ANXA4: variants seen among roughly 807,000 people sequenced by gnomAD.
ANXA4 encodes the protein annexin A4, also known as 35-beta calcimedin.
ANXA4 carries 39 observed loss-of-function variants against 49.8 expected under a neutral mutation model. The ratio of observed to expected loss-of-function variants is 0.78; its 90% CI spans 0.61 to 1.02. The LOEUF (loss-of-function observed/expected upper bound fraction) is 1.02. Ranked by LOEUF, ANXA4 falls within the 50% of genes least tolerant of loss-of-function variation. The pLI, the probability that ANXA4 is intolerant of heterozygous loss-of-function variation, is 0.00. For synonymous variants in ANXA4, 134 were observed against 152.5 expected, an observed-to-expected ratio of 0.88 and a Z score of 0.89; for missense variants, 360 against 410.1, an observed-to-expected ratio of 0.88 and a Z score of 1.05.
chr2:69,746,338 A>T (rs2105479412), intron 1 of ANXA4, among the ~76,000 whole-genome samples: 1 of 152,222 alleles, frequency 6.6e-6, no homozygotes, highest in Non-Finnish European at 1.5e-5. Flanking sequence ...TACCAATCAC[A>T]TCTCCCTTGT....
chr2:69,646,171 T>C (rs1464047621), intron 1 of ANXA4, among the ~76,000 whole-genome samples: 2 of 152,198 alleles, frequency 1.3e-5, no homozygotes, highest in African/African-American at 4.8e-5. Context: ...TTATCTCAGC[T>C]ATAAAACCAG....
chr2:69,788,061 A>G lies in ANXA4; in HGVS notation c.17A>G (p.Lys6Arg). 6.2e-7 allele frequency: 1 copy of G among 1,613,810 alleles called. No individual in the cohort carries two copies. The highest frequency in any genetic ancestry group is 8.5e-7 in the Non-Finnish European group (1 of 1,179,774). Reference protein sequence around the residue: MAMATKGGTVKAASGF... With the variant: MAMATRGGTVKAASGF... ...ACTCTCTTGTGTGCTCAGGCAACCA[A>G]AGGAGGTACTGTCAAAGCTGCTTCA... The change falls in exon 3 of 13, where the codon AAA becomes AGA. Residue 6 changes from lysine (K) to arginine (R), a missense_variant. Lys to Arg is a conservative substitution (Grantham distance 26, BLOSUM62 2). Transcript: ENST00000394295.
chr2:69,776,818 G>A (rs1203872920), intron 1 of ANXA4, among the ~76,000 whole-genome samples: 1 of 152,144 alleles, frequency 6.6e-6, no homozygotes, highest in Non-Finnish European at 1.5e-5. Flanking sequence ...ATTCAAAGCT[G>A]TCCTGGGCCA....
rs1209931460 is a variant in ANXA4 at position 69,810,649 on chromosome 2, G to A, written c.453G>A (p.Gln151=). The change falls in exon 7 of 13, where the codon CAG becomes CAA. Residue 151 remains glutamine, a synonymous_variant. Transcript: ENST00000394295. ...GCTCTGACACATCGTTCATGTTCCA[G>A]CGAGTGCTGGTGTCTCTGTCAGCTG... ...DIRSDTSFMF[Q]RVLVSLSAGG... 11 of 1,614,132 alleles carry A rather than the reference G, an allele frequency of 6.8e-6. No homozygotes were observed. Among genetic ancestry groups the A allele is most frequent in the Non-Finnish European group, 9.3e-6 (11 of 1,180,004 alleles).
upstream of ANXA4, among the ~76,000 whole-genome samples, chr2:69,740,139 G>A (rs571941309): frequency 2.6e-5 from 4 of 152,274 alleles, no homozygotes; most frequent in South Asian, 4.1e-4. Context: ...GGTTATTTAC[G>A]CGGGGTGCCA....
intron 1 of ANXA4, among the ~76,000 whole-genome samples, chr2:69,774,159 C>T (rs2105570455): frequency 6.6e-6 from 1 of 152,150 alleles, no homozygotes; most frequent in South Asian, 2.1e-4. Context: ...TTCCACCCTG[C>T]TAAGACTAGT....
chr2:69,774,324 G>C (rs1671870961), intron 1 of ANXA4, among the ~76,000 whole-genome samples: 1 of 134,612 alleles, frequency 7.4e-6, no homozygotes, highest in African/African-American at 2.8e-5. Context: ...TTATGTAAAA[G>C]GAGCCCCCCC....
chr2:69,647,802 C>G (rs1207782717), intron 1 of ANXA4, among the ~76,000 whole-genome samples: 1 of 152,094 alleles, frequency 6.6e-6, no homozygotes, highest in Non-Finnish European at 1.5e-5. Context: ...GGTGATCCTC[C>G]CACCTCAGCC....
At chr2:69,697,440 C>CT (rs1223392692) in intron 2 of ANXA4, among the ~76,000 whole-genome samples, 1 of 152,204 alleles carries the variant, frequency 6.6e-6, no homozygotes, top group East Asian at 1.9e-4. Flanking sequence ...CTCACTGAAA[C>CT]TTTCTCCGTA....
At chr2:69,741,662 T>C (rs150431260), upstream of ANXA4, among the ~76,000 whole-genome samples, 10 of 152,342 alleles carry the variant, frequency 6.6e-5, no homozygotes, top group Non-Finnish European at 1.0e-4. Flanking sequence ...ACGAACGGTT[T>C]CCCGAGGTGG....
At chr2:69,668,416 G>A (rs1372607186) in intron 2 of ANXA4, among the ~76,000 whole-genome samples, 1 of 152,072 alleles carries the variant, frequency 6.6e-6, no homozygotes, top group Non-Finnish European at 1.5e-5. Flanking sequence ...GTTAAGACCA[G>A]CCTGGGGCAA....
At chr2:69,755,433 A>G (rs1671005952) in intron 1 of ANXA4, among the ~76,000 whole-genome samples, 1 of 152,188 alleles carries the variant, frequency 6.6e-6, no homozygotes, top group Non-Finnish European at 1.5e-5. Context: ...TAGCCTGGAC[A>G]ACATGGTGAA....
intron 12 of ANXA4, among the ~76,000 whole-genome samples, chr2:69,824,940 G>T (rs551100932): frequency 6.6e-6 from 1 of 151,662 alleles, no homozygotes; most frequent in African/African-American, 2.4e-5. Flanking sequence ...GGTGGCAGGC[G>T]CCTGTAGTCC....
intron 1 of ANXA4, among the ~76,000 whole-genome samples, chr2:69,770,913 G>A (rs1671682016): frequency 1.3e-5 from 2 of 150,164 alleles, no homozygotes; most frequent in Admixed American, 1.3e-4. Flanking sequence ...ATGCAGCGAG[G>A]CCTTGTCTAG....
intron 3 of ANXA4, among the ~76,000 whole-genome samples, chr2:69,797,245 G>A (rs1013558845): frequency 6.6e-6 from 1 of 152,134 alleles, no homozygotes; most frequent in Non-Finnish European, 1.5e-5. Context: ...ATGTGACTCA[G>A]GGAGGAGGGG....
At chr2:69,784,642 C>T (rs554558665) in intron 2 of ANXA4, among the ~76,000 whole-genome samples, 63 of 152,352 alleles carry the variant, frequency 4.1e-4, no homozygotes, top group Non-Finnish European at 8.2e-4. Flanking sequence ...CCTAATAGCA[C>T]AAACTGGATG....
chr2:69,804,751 A>C, intron 4 of ANXA4, 124 bp downstream of exon 4: 1 of 890,784 alleles, frequency 1.1e-6, no homozygotes, highest in Admixed American at 2.4e-5. Context: ...GTCTTGTTTA[A>C]AGATGTTCTT....
At chr2:69,708,037 A>G (rs1283604267) in intron 2 of ANXA4, among the ~76,000 whole-genome samples, 1 of 152,244 alleles carries the variant, frequency 6.6e-6, no homozygotes, top group African/African-American at 2.4e-5. Flanking sequence ...AGTATTTTGC[A>G]GCAGAGTGCC....
chr2:69,712,457 T>C (rs884595), intron 2 of ANXA4, among the ~76,000 whole-genome samples: 8,775 of 152,222 alleles, frequency 0.058, 872 homozygotes, highest in African/African-American at 0.2. Flanking sequence ...AAGGACTTTT[T>C]CTTTGGGTTT....
Sources: gnomAD v4.1 joint callset for allele counts (sites outside exome capture counted in the v4.1 genomes callset) on GRCh38, gnomAD v4.1.1 for gene constraint, MANE v1.5 for transcripts, NCBI Gene and HGNC (gene_info 2026-07-23, HGNC 2026-07-21) for gene names.